The following NEBL variants were observed in gnomAD, a reference collection of about 807,000 sequenced individuals.
NEBL encodes nebulette.
In NEBL, 122 loss-of-function variants were observed where a neutral mutation model predicts 140.2. That is an observed-to-expected ratio of 0.87 (90% CI 0.75 to 1.01). The LOEUF (loss-of-function observed/expected upper bound fraction) is 1.01. Ranked by LOEUF, NEBL falls within the 50% of genes least tolerant of loss-of-function variation. The pLI, the probability that NEBL is intolerant of heterozygous loss-of-function variation, is 0.00. For missense variants in NEBL, 1,365 were observed against 1,231.3 expected (o/e 1.11, Z -1.62); for synonymous variants, 436 against 398.9 (o/e 1.09, Z -1.11).
chr10:20,967,752 T>C (rs930174231), intron 3 of NEBL, among the ~76,000 whole-genome samples: 3 of 152,126 alleles, frequency 2.0e-5, no homozygotes, highest in Admixed American at 2.0e-4. Flanking sequence ...CTGTTACTGG[T>C]GATGTTCTAG....
intron 4 of NEBL, among the ~76,000 whole-genome samples, chr10:20,923,597 T>C (rs1379996984): frequency 7.7e-6 from 1 of 129,546 alleles, no homozygotes; most frequent in Non-Finnish European, 1.6e-5. Flanking sequence ...GAGAATCGCT[T>C]GAACCCGGGA....
At chr10:20,881,438 T>C (rs536776615) in intron 4 of NEBL, among the ~76,000 whole-genome samples, 1 of 152,298 alleles carries the variant, frequency 6.6e-6, no homozygotes, top group Non-Finnish European at 1.5e-5. Flanking sequence ...AATGGACCAG[T>C]GCCATCCATT....
intron 13 of NEBL, 102 bp downstream of exon 13, chr10:20,840,637 A>C: frequency 6.3e-6 from 5 of 792,034 alleles, no homozygotes; most frequent in Non-Finnish European, 1.1e-5. Context: ...ACAATCACTT[A>C]CATATAAAAG....
At chr10:20,943,206 A>T (rs1834978374) in intron 4 of NEBL, among the ~76,000 whole-genome samples, 1 of 152,184 alleles carries the variant, frequency 6.6e-6, no homozygotes, top group African/African-American at 2.4e-5. Context: ...CCAACAATGA[A>T]AGACTGGATT....
chr10:21,060,676 C>A (rs1013710489), intron 2 of NEBL, among the ~76,000 whole-genome samples: 1 of 151,730 alleles, frequency 6.6e-6, no homozygotes, highest in Non-Finnish European at 1.5e-5. Context: ...CAAAACTCTT[C>A]AAAAACCTCT....
intron 3 of NEBL, among the ~76,000 whole-genome samples, chr10:20,987,968 G>A (rs12240878): frequency 0.035 from 5,262 of 152,224 alleles, 290 homozygotes; most frequent in African/African-American, 0.12. Flanking sequence ...TTCCTTATGA[G>A]ATGATATACC....
chr10:21,116,550 C>T (rs576899869), intron 2 of NEBL, among the ~76,000 whole-genome samples: 12 of 152,232 alleles, frequency 7.9e-5, no homozygotes, highest in African/African-American at 2.6e-4. Context: ...CAATTCAGTC[C>T]ATAGCAGTCC....
intron 1 of NEBL, among the ~76,000 whole-genome samples, chr10:21,288,871 C>T (rs372954764): frequency 2.0e-5 from 1 of 50,438 alleles, no homozygotes; most frequent in Non-Finnish European, 4.1e-5. Flanking sequence ...TTTTTTGAGA[C>T]GGAGTCTTGC....
chr10:21,036,260 C>T (rs1054846866), intron 2 of NEBL, among the ~76,000 whole-genome samples: 5 of 152,036 alleles, frequency 3.3e-5, no homozygotes, highest in African/African-American at 9.7e-5. Flanking sequence ...CAGAGACCAA[C>T]GTGGGCAACA....
rs1839664030 is a variant in NEBL, at chr10:21,142,232, C to T, written c.164+30151G>A. Reference sequence around the variant, plus strand: ...CAGCCTTTCTCAGAGACCATGACCACATGGACCAACCAAATAGCCTAGAAA... The same window carrying T: ...CAGCCTTTCTCAGAGACCATGACCATATGGACCAACCAAATAGCCTAGAAA... On this transcript the variant is annotated intron_variant, in intron 2 of 6. Coordinates refer to the NEBL transcript ENST00000417816. Among the ~76,000 whole-genome samples, 3 of 152,146 alleles carry T rather than the reference C, an allele frequency of 2.0e-5. 1 individual carries two copies. Among genetic ancestry groups the T allele is most frequent in the Admixed American group, 2.0e-4 (3 of 15,268 alleles).
At chr10:21,102,946 C>T (rs1046336054) in intron 2 of NEBL, among the ~76,000 whole-genome samples, 3 of 152,066 alleles carry the variant, frequency 2.0e-5, no homozygotes, top group South Asian at 2.1e-4. Context: ...GTATTAAGCC[C>T]AGCAGGTATT....
At chr10:21,137,817 C>T (rs1234304575) in intron 2 of NEBL, among the ~76,000 whole-genome samples, 1 of 151,620 alleles carries the variant, frequency 6.6e-6, no homozygotes, top group African/African-American at 2.4e-5. Flanking sequence ...ATGGTATGTG[C>T]TTGTGATCTC....
chr10:21,036,183 A>G (rs1405017878), intron 2 of NEBL, among the ~76,000 whole-genome samples: 1 of 151,792 alleles, frequency 6.6e-6, no homozygotes, highest in Admixed American at 6.6e-5. Context: ...AGAAAAGGAC[A>G]GGCACAGTGG....
At chr10:21,211,590 T>C (rs1163623172) in intron 3 of NEBL, among the ~76,000 whole-genome samples, 4 of 152,216 alleles carry the variant, frequency 2.6e-5, no homozygotes, top group African/African-American at 9.6e-5. Flanking sequence ...GACTGGCCCC[T>C]TTAAAGATCT....
intron 3 of NEBL, among the ~76,000 whole-genome samples, chr10:21,233,547 T>C (rs1432158539): frequency 6.7e-6 from 1 of 148,892 alleles, no homozygotes; most frequent in Non-Finnish European, 1.5e-5. Context: ...TATATGCATA[T>C]ATACATACAT....
intron 2 of NEBL, among the ~76,000 whole-genome samples, chr10:21,036,278 A>T (rs1265528805): frequency 2.0e-5 from 3 of 151,898 alleles, no homozygotes; most frequent in Middle Eastern, 3.2e-3. Flanking sequence ...ACATAGCAAG[A>T]CCTCCTTTCT....
At chr10:20,889,364 T>C (rs1258611290) in intron 3 of NEBL, among the ~76,000 whole-genome samples, 1 of 152,240 alleles carries the variant, frequency 6.6e-6, no homozygotes, top group Non-Finnish European at 1.5e-5. Context: ...TAGGTATCAC[T>C]GTTGAACTGA....
intron 4 of NEBL, among the ~76,000 whole-genome samples, chr10:20,933,769 T>C (rs1834327169): frequency 6.6e-6 from 1 of 151,918 alleles, no homozygotes; most frequent in African/African-American, 2.4e-5. Flanking sequence ...CATAAGAAAA[T>C]ACAATAAAGC....
At chr10:20,844,667 C>T (rs1477318029) in intron 12 of NEBL, among the ~76,000 whole-genome samples, 2 of 151,860 alleles carry the variant, frequency 1.3e-5, no homozygotes, top group Admixed American at 1.3e-4. Flanking sequence ...GAAAAGTGGA[C>T]ATGAGTTCCT....
Sources: allele counts gnomAD v4.1 joint callset (sites outside exome capture counted in the v4.1 genomes callset), GRCh38; gene constraint gnomAD v4.1.1; transcripts MANE v1.5; gene names NCBI Gene and HGNC (gene_info 2026-07-23, HGNC 2026-07-21).